The following SPECC1 variants were observed in gnomAD, a reference collection of about 807,000 sequenced individuals.
The protein encoded by SPECC1 is sperm antigen with calponin homology and coiled-coil domains 1, also known as cytospin-B.
SPECC1 carries 62 observed loss-of-function variants against 104.1 expected under a neutral mutation model. That is an observed-to-expected ratio of 0.60 (90% CI 0.49 to 0.74). The LOEUF is 0.74. Ranked by LOEUF, SPECC1 falls within the 30% of genes least tolerant of loss-of-function variation. The pLI is 0.00. For missense variants in SPECC1, 1,306 were observed against 1,310.5 expected, an observed-to-expected ratio of 1.00 and a Z score of 0.05; for synonymous variants, 513 against 501.6, an observed-to-expected ratio of 1.02 and a Z score of -0.30.
chr17:20,046,570 C>T (rs1462652483), intron 1 of SPECC1, among the ~76,000 whole-genome samples: 2 of 151,952 alleles, frequency 1.3e-5, no homozygotes, highest in African/African-American at 4.8e-5. Flanking sequence ...TCTTAGAATA[C>T]GTTAGAAGAG....
chr17:20,192,763 T>G lies in SPECC1; in HGVS notation c.284-11570T>G, dbSNP rs59597460. On this transcript the variant is annotated intron_variant, in intron 3 of 14. Coordinates refer to ENST00000395527, the MANE Select transcript of SPECC1 (RefSeq NM_001243439.2). Reference sequence around the variant, plus strand: ...GTTCTGTGTGTAGTATGGATATTATTGTGACTACATATATATTGTGCCCTG... The same window carrying G: ...GTTCTGTGTGTAGTATGGATATTATGGTGACTACATATATATTGTGCCCTG... Among the ~76,000 whole-genome samples the G allele has an allele frequency of 1.8e-4, 28 of 152,344 alleles. No individual in the cohort carries two copies. In the East Asian group the frequency reaches 5.2e-3, roughly 28 times the overall value.
intron 5 of SPECC1, 120 bp downstream of exon 5, chr17:20,227,740 ACC>A: frequency 1.1e-6 from 1 of 881,278 alleles, no homozygotes; most frequent in Non-Finnish European, 1.7e-6. Context: ...ACATGGTGAA[ACC>A]CTGTCTCTAC....
At chr17:20,203,262 A>G (rs1309551157) in intron 3 of SPECC1, among the ~76,000 whole-genome samples, 1 of 145,728 alleles carries the variant, frequency 6.9e-6, no homozygotes, top group African/African-American at 2.7e-5. Flanking sequence ...TGACTCATCA[A>G]ATAGTCTTTC....
chr17:20,112,925 A>G (rs547877880), intron 3 of SPECC1: 2 of 1,505,136 alleles, frequency 1.3e-6, no homozygotes, highest in East Asian at 4.5e-5. Context: ...GAGAGGGTCC[A>G]ACATGAAGGG....
intron 5 of SPECC1, among the ~76,000 whole-genome samples, chr17:20,230,551 G>A (rs752193914): frequency 1.8e-4 from 27 of 152,018 alleles, no homozygotes; most frequent in Non-Finnish European, 4.4e-5. Flanking sequence ...TTGAAAATAG[G>A]GTTGTATTGT....
intron 3 of SPECC1, among the ~76,000 whole-genome samples, chr17:20,118,430 C>T (rs947577904): frequency 2.0e-5 from 3 of 152,082 alleles, no homozygotes; most frequent in African/African-American, 7.2e-5. Context: ...TGTATTCATA[C>T]AGGGCTGGTT....
Position 20,289,669 on chromosome 17 carries a change from G to A in SPECC1, c.2941-7292G>A, listed in dbSNP as rs573604306. On this transcript the variant is annotated intron_variant, in intron 12 of 14. Coordinates refer to ENST00000395527, the MANE Select transcript of SPECC1 (RefSeq NM_001243439.2). ...ATTAGTTCAGCCGTTGTGGATGACAGTGCACACGGCTTTGAATTGTCCCCC... is the reference window on the plus strand; with the variant it reads ...ATTAGTTCAGCCGTTGTGGATGACAATGCACACGGCTTTGAATTGTCCCCC... Among the ~76,000 whole-genome samples, 15 of 152,340 alleles carry A rather than the reference G, an allele frequency of 9.8e-5. No individual in the cohort carries two copies. In the South Asian group the frequency reaches 1.2e-3, roughly 13 times the overall value.
At chr17:20,185,100 A>G (rs2035171680) in intron 3 of SPECC1, 1 of 152,272 alleles carries the variant, frequency 6.6e-6, no homozygotes. Context: ...AGTTTGGGAA[A>G]TAGAGACACT....
chr17:20,245,061 G>T (rs1390738840), intron 7 of SPECC1, among the ~76,000 whole-genome samples: 1 of 152,242 alleles, frequency 6.6e-6, no homozygotes, highest in African/African-American at 2.4e-5. Flanking sequence ...ATTGCAGTGT[G>T]ATTTTAGAGT....
intron 7 of SPECC1, among the ~76,000 whole-genome samples, chr17:20,244,586 A>C (rs1012899495): frequency 6.6e-6 from 1 of 152,084 alleles, no homozygotes; most frequent in Non-Finnish European, 1.5e-5. Context: ...AATTTATTCT[A>C]TTCATGTTAT....
chr17:20,183,248 T>C (rs967355108), intron 3 of SPECC1, among the ~76,000 whole-genome samples: 1 of 152,202 alleles, frequency 6.6e-6, no homozygotes, highest in Admixed American at 6.5e-5. Flanking sequence ...CAATTACTCC[T>C]ATATGTCTAC....
intron 3 of SPECC1, among the ~76,000 whole-genome samples, chr17:20,125,713 T>C (rs1015047866): frequency 6.6e-6 from 1 of 152,264 alleles, no homozygotes; most frequent in African/African-American, 2.4e-5. Flanking sequence ...TCCTTCCTTT[T>C]AAAGGCTGAA....
At chr17:20,150,145 T>C (rs2031857745) in intron 3 of SPECC1, among the ~76,000 whole-genome samples, 1 of 151,698 alleles carries the variant, frequency 6.6e-6, no homozygotes, top group Non-Finnish European at 1.5e-5. Context: ...GCTAATTTTT[T>C]TGTATTTTTT....
intron 12 of SPECC1, among the ~76,000 whole-genome samples, chr17:20,296,292 G>T (rs1048439638): frequency 2.0e-5 from 3 of 152,130 alleles, no homozygotes; most frequent in Admixed American, 1.3e-4. Flanking sequence ...TTTCCCCGTT[G>T]CTTGTTTTTG....
chr17:20,062,696 T>G lies in SPECC1; in HGVS notation c.-21-33935T>G, dbSNP rs559283941. On this transcript the variant is annotated intron_variant, in intron 1 of 14. Coordinates refer to ENST00000395527, the MANE Select transcript of SPECC1 (RefSeq NM_001243439.2). ...CACGTATAACACAAGAAATACATTT[T>G]TTTTTTTTTTGAGATGTAGTCTCAA... Among the ~76,000 whole-genome samples, 18 of 151,906 alleles carry G rather than the reference T, an allele frequency of 1.2e-4. No homozygotes were observed. The South Asian group carries it at 1.5e-3, about 12-fold the overall frequency.
Position 20,165,468 on chromosome 17 carries a change from T to G in SPECC1, c.284-38865T>G, listed in dbSNP as rs548740066. On this transcript the variant is annotated intron_variant, in intron 3 of 14. Coordinates refer to ENST00000395527, the MANE Select transcript of SPECC1 (RefSeq NM_001243439.2). Reference sequence around the variant, plus strand: ...TATCCACTCTGTCATTGATGGACATTTGGATTGATTCCATGTCTTTGCTAT... The same window carrying G: ...TATCCACTCTGTCATTGATGGACATGTGGATTGATTCCATGTCTTTGCTAT... Among the ~76,000 whole-genome samples, 6 of 152,350 alleles carry G rather than the reference T, an allele frequency of 3.9e-5. No individual in the cohort carries two copies. In the South Asian group the frequency reaches 1.2e-3, roughly 32 times the overall value.
intron 14 of SPECC1, among the ~76,000 whole-genome samples, chr17:20,311,287 A>G (rs1283583643): frequency 6.6e-6 from 1 of 152,162 alleles, no homozygotes; most frequent in African/African-American, 2.4e-5. Flanking sequence ...ATCTGCAAAT[A>G]AAGGCAGTTT....
rs768521763 is a variant in SPECC1, at chr17:20,257,626, T to C, written c.2837+19T>C. On this transcript the variant is annotated intron_variant, in intron 11 of 14. Coordinates refer to ENST00000395527, the MANE Select transcript of SPECC1 (RefSeq NM_001243439.2). ...AACTCAGGTATCGTGTTTCAAACAA[T>C]AAGAAATCAGAAAAACATCGGGCTA... 24 of 1,608,914 alleles carry C rather than the reference T, an allele frequency of 1.5e-5. No homozygotes were observed. Among genetic ancestry groups the C allele is most frequent in the East Asian group, 6.7e-5 (3 of 44,848 alleles).
intron 1 of SPECC1, among the ~76,000 whole-genome samples, chr17:20,077,853 G>T (rs2046820619): frequency 6.6e-6 from 1 of 152,064 alleles, no homozygotes; most frequent in Non-Finnish European, 1.5e-5. Flanking sequence ...ATAGGCACTG[G>T]AGGCAGATTG....
Sources: gnomAD v4.1 joint callset for allele counts (sites outside exome capture counted in the v4.1 genomes callset) on GRCh38, gnomAD v4.1.1 for gene constraint, MANE v1.5 for transcripts, NCBI Gene and HGNC (gene_info 2026-07-23, HGNC 2026-07-21) for gene names.